Variants in ATF1 observed in about 807,000 individuals in gnomAD.
The protein encoded by ATF1 is cyclic AMP-dependent transcription factor ATF-1.
ATF1 carries 16 observed loss-of-function variants against 34.7 expected under a neutral mutation model. That is an observed-to-expected ratio of 0.46 (90% CI 0.31 to 0.70). The LOEUF is 0.70. Ranked by LOEUF, ATF1 falls within the 30% of genes least tolerant of loss-of-function variation. ATF1 has a pLI of 0.05. For missense variants in ATF1, 255 were observed against 321.6 expected (o/e 0.79, Z 1.58); for synonymous variants, 105 against 113.1 (o/e 0.93, Z 0.46).
chr12:50,772,009 C>G (rs924184513), intron 1 of ATF1, among the ~76,000 whole-genome samples: 2 of 152,232 alleles, frequency 1.3e-5, no homozygotes, highest in Non-Finnish European at 2.9e-5. Flanking sequence ...CGGGGCTGCT[C>G]TGTCTATGGA....
At chr12:50,781,596 G>A (rs1461006072) in intron 2 of ATF1, among the ~76,000 whole-genome samples, 2 of 151,832 alleles carry the variant, frequency 1.3e-5, no homozygotes, top group Non-Finnish European at 2.9e-5. Flanking sequence ...GATTACAGGC[G>A]CCCACCACCA....
intron 1 of ATF1, among the ~76,000 whole-genome samples, chr12:50,768,010 T>TTAC (rs1391080070): frequency 6.6e-6 from 1 of 152,052 alleles, no homozygotes; most frequent in Admixed American, 6.6e-5. Flanking sequence ...GTAGCTGGGA[T>TTAC]TACAGGTGTG....
intron 3 of ATF1, among the ~76,000 whole-genome samples, chr12:50,805,450 C>T (rs557963642): frequency 2.7e-5 from 4 of 147,732 alleles, no homozygotes; most frequent in Admixed American, 1.4e-4. Context: ...CCCAGCCACT[C>T]GGGAGGCTGA....
rs577464554 is a variant in ATF1, at chr12:50,802,431, G to A, written c.194+6422G>A. Among the ~76,000 whole-genome samples, 31 of 152,210 alleles carry A rather than the reference G, an allele frequency of 2.0e-4. No homozygotes were observed. The South Asian group carries it at 4.6e-3, about 22-fold the overall frequency. On this transcript the variant is annotated intron_variant, in intron 3 of 6. Coordinates refer to ENST00000262053, the MANE Select transcript of ATF1 (RefSeq NM_005171.5). Reference sequence around the variant, plus strand: ...TTCCAGCTCCTCAGGATGCTGAGGCGGGATAATCGCTTGAACCTGGGAGGC... The same window carrying A: ...TTCCAGCTCCTCAGGATGCTGAGGCAGGATAATCGCTTGAACCTGGGAGGC...
chr12:50,784,289 G>A (rs571371431), intron 2 of ATF1, among the ~76,000 whole-genome samples: 1 of 152,172 alleles, frequency 6.6e-6, no homozygotes, highest in African/African-American at 2.4e-5. Flanking sequence ...GGAGAGACAG[G>A]CAACAAAACC....
At chr12:50,808,561 C>G (rs767888487) in intron 3 of ATF1, among the ~76,000 whole-genome samples, 1 of 151,718 alleles carries the variant, frequency 6.6e-6, no homozygotes, top group Non-Finnish European at 1.5e-5. Flanking sequence ...AACTCCTGAC[C>G]TCAAGTCATT....
chr12:50,781,314 G>A (rs1199717831), intron 2 of ATF1, among the ~76,000 whole-genome samples: 4 of 152,010 alleles, frequency 2.6e-5, no homozygotes, highest in African/African-American at 9.7e-5. Flanking sequence ...AAAAACAGTC[G>A]GTACATGTTC....
chr12:50,805,601 C>G (rs112719402), intron 3 of ATF1, among the ~76,000 whole-genome samples: 2,208 of 151,386 alleles, frequency 0.015, 53 homozygotes, highest in African/African-American at 0.05. Context: ...GATTCTTAAC[C>G]CATTGTGACC....
intron 2 of ATF1, among the ~76,000 whole-genome samples, chr12:50,790,113 A>T (rs1027016884): frequency 1.3e-5 from 2 of 151,504 alleles, no homozygotes; most frequent in African/African-American, 4.9e-5. Flanking sequence ...GGCTTCAGTT[A>T]TTGAAAGGTG....
chr12:50,778,445 G>C (rs997506271), intron 1 of ATF1, among the ~76,000 whole-genome samples: 1 of 151,134 alleles, frequency 6.6e-6, no homozygotes, highest in Non-Finnish European at 1.5e-5. Flanking sequence ...GGATGGTCTC[G>C]ATCTCTTGAC....
chr12:50,788,508 C>T (rs1334390083), intron 2 of ATF1, among the ~76,000 whole-genome samples: 1 of 151,178 alleles, frequency 6.6e-6, no homozygotes, highest in Middle Eastern at 3.4e-3. Flanking sequence ...TTTTGGAAAC[C>T]GAGTATTATT....
chr12:50,774,937 C>T (rs1264047652), intron 1 of ATF1, among the ~76,000 whole-genome samples: 1 of 151,598 alleles, frequency 6.6e-6, no homozygotes, highest in African/African-American at 2.4e-5. Flanking sequence ...TTAGTAGAGA[C>T]GGAGTTTCAC....
chr12:50,813,146 G>GC (rs1432526605), intron 4 of ATF1, among the ~76,000 whole-genome samples: 2 of 152,184 alleles, frequency 1.3e-5, no homozygotes, highest in Non-Finnish European at 2.9e-5. Flanking sequence ...TGAGGAGAAA[G>GC]CATGAACACA....
At chr12:50,791,850 G>T (rs1941308502) in intron 2 of ATF1, among the ~76,000 whole-genome samples, 1 of 152,126 alleles carries the variant, frequency 6.6e-6, no homozygotes, top group Non-Finnish European at 1.5e-5. Flanking sequence ...GTATTTCCAT[G>T]AAACCGCATC....
intron 6 of ATF1, among the ~76,000 whole-genome samples, chr12:50,814,772 A>G (rs1941807943): frequency 6.6e-6 from 1 of 151,848 alleles, no homozygotes; most frequent in African/African-American, 2.4e-5. Context: ...TTACTGGTTT[A>G]TGAATTTACT....
At chr12:50,808,598 G>A (rs1281952900) in intron 3 of ATF1, among the ~76,000 whole-genome samples, 1 of 152,004 alleles carries the variant, frequency 6.6e-6, no homozygotes, top group African/African-American at 2.4e-5. Flanking sequence ...CCAAAGTGTT[G>A]GGATTACAGA....
upstream of ATF1, chr12:50,763,662 A>T (rs528672181): frequency 7.3e-6 from 1 of 137,078 alleles, no homozygotes; most frequent in African/African-American, 2.6e-5. Flanking sequence ...AAAAAAAAAA[A>T]GCTGAGGAAG....
At chr12:50,810,435 C>T (rs924435593) in intron 4 of ATF1, among the ~76,000 whole-genome samples, 9 of 151,324 alleles carry the variant, frequency 5.9e-5, no homozygotes, top group Non-Finnish European at 1.3e-4. Context: ...CCAGGCTGGT[C>T]TCAAACTCCT....
intron 2 of ATF1, among the ~76,000 whole-genome samples, chr12:50,790,529 A>G (rs1362811958): frequency 6.6e-6 from 1 of 152,040 alleles, no homozygotes; most frequent in African/African-American, 2.4e-5. Flanking sequence ...CTCTATGCCC[A>G]TATTGGGGTA....
Sources: allele counts gnomAD v4.1 joint callset (sites outside exome capture counted in the v4.1 genomes callset), GRCh38; gene constraint gnomAD v4.1.1; transcripts MANE v1.5; gene names NCBI Gene and HGNC (gene_info 2026-07-23, HGNC 2026-07-21).